The following GINS4 variants were observed in gnomAD, a reference collection of about 807,000 sequenced individuals.
GINS4 encodes the protein GINS complex subunit 4.
In GINS4, 20 loss-of-function variants were observed where a neutral mutation model predicts 31.1. The observed-to-expected ratio is 0.64, with a 90% CI of 0.45 to 0.93. GINS4 has a LOEUF of 0.93. GINS4 is among the 40% of genes least tolerant of loss of function. GINS4 has a pLI of 0.00. For synonymous variants in GINS4, 85 were observed against 97.9 expected (o/e 0.87, Z 0.78); for missense variants, 245 against 273.9 (o/e 0.89, Z 0.75).
intron 4 of GINS4, chr8:41,537,565 G>A (rs1806764323): frequency 2.8e-6 from 1 of 362,544 alleles, no homozygotes; most frequent in Admixed American, 4.3e-5. Context: ...TTACAGCATG[G>A]CAGTGCTAAA....
chr8:41,539,594 T>G, intron 4 of GINS4, 84 bp from the exon 5 acceptor site: 3 of 947,416 alleles, frequency 3.2e-6, no homozygotes. Context: ...TCGGGAGGGT[T>G]GTGTAAACCC....
chr8:41,535,515 C>G (rs1052867655), intron 2 of GINS4, among the ~76,000 whole-genome samples: 4 of 152,136 alleles, frequency 2.6e-5, no homozygotes, highest in Non-Finnish European at 5.9e-5. Context: ...ATGCCTATGA[C>G]TGTAGCCATA....
chr8:41,541,886 A>C lies in GINS4; in HGVS notation c.562A>C (p.Thr188Pro). ...AGAAAACATACTGGTAGAACCAGAC[A>C]CAGATGAGCAGAGGTGAGTGGCGTG... ...RQENILVEPD[T>P]DEQRDYVIDL... is the part of the protein sequence containing the mutation. The change falls in exon 7 of 8, where the codon ACA becomes CCA. Residue 188 changes from threonine (T) to proline (P), a missense_variant. Coordinates refer to ENST00000276533, the MANE Select transcript of GINS4 (RefSeq NM_032336.3). 1.2e-6 allele frequency: 2 copies of C among 1,614,096 alleles called. No homozygotes were observed. The highest frequency in any genetic ancestry group is 1.7e-6 in the Non-Finnish European group (2 of 1,179,920).
At chr8:41,535,003 G>A (rs549237973) in intron 2 of GINS4, among the ~76,000 whole-genome samples, 4 of 151,976 alleles carry the variant, frequency 2.6e-5, no homozygotes, top group East Asian at 1.9e-4. Context: ...GATTACAGGC[G>A]TGAGCCACTG....
rs1806866732 is a variant in GINS4, at chr8:41,542,795, GGCGTGAAGCGGA to G, written c.*711_*722del. 1 of 152,640 alleles carries G rather than the reference GGCGTGAAGCGGA, an allele frequency of 6.6e-6. No homozygotes were observed. The highest frequency in any genetic ancestry group is 2.1e-4 in the South Asian group (1 of 4,842). 9.5% of individuals were successfully genotyped at this position (152,640 alleles called of 1,614,324 possible). A position where few individuals can be genotyped will look rare whatever the true frequency, so the allele number is the denominator to read the frequency against. Reference sequence around the variant, plus strand: ...TTCCTCAGCAGTGCTGTGGGTCACGGGCGTGAAGCGGAGCTCGAGGCAGGATTGCTTGTGTTG... The same window carrying G: ...TTCCTCAGCAGTGCTGTGGGTCACGGGCTCGAGGCAGGATTGCTTGTGTTG... On this transcript the variant is annotated 3_prime_UTR_variant, in exon 8 of 8. Coordinates refer to ENST00000276533, the MANE Select transcript of GINS4 (RefSeq NM_032336.3).
intron 1 of GINS4, 36 bp from the exon 2 acceptor site, chr8:41,530,148 C>A (rs1440237767): frequency 1.6e-6 from 2 of 1,249,768 alleles, no homozygotes; most frequent in East Asian, 2.3e-5. Context: ...AATTAGAAAA[C>A]GCATTGCAGA....
At position 41,539,790 on chromosome 8, in the gene GINS4, C is replaced by G; in HGVS notation, c.395+15C>G. On this transcript the variant is annotated intron_variant, in intron 5 of 7. Transcript: ENST00000276533. The stretch of plus-strand genomic sequence containing the variant: ...TTTGCCAGAGAGTGAGTGAGTGAGC[C>G]GTTGGCGTGGGGCACCTGGCTGGTT... 6.2e-7 allele frequency: 1 copy of G among 1,608,142 alleles called. No individual in the cohort carries two copies. The highest frequency in any genetic ancestry group is 8.5e-7 in the Non-Finnish European group (1 of 1,174,678).
Position 41,539,679 on chromosome 8 carries a change from TAG to T in GINS4, c.303_304del (p.Lys102ValfsTer7). On this transcript the variant is annotated frameshift_variant and splice_region_variant, in exon 5 of 8. Transcript: ENST00000276533. LOFTEE classifies it high-confidence loss of function. ...GAAGATTTTGCTTTATCCTCACAGA[TAG>T]AGAAGTTTTTCCCTCATGTCCTTGA... The T allele has an allele frequency of 1.2e-6, 2 of 1,609,298 alleles. No homozygotes were observed. The highest frequency in any genetic ancestry group is 1.7e-6 in the Non-Finnish European group (2 of 1,175,836).
chr8:41,542,057 G>A lies in GINS4; in HGVS notation c.642G>A (p.Leu214=), dbSNP rs1023934224. 1.2e-6 allele frequency: 2 copies of A among 1,613,950 alleles called. No homozygotes were observed. The highest frequency in any genetic ancestry group is 2.7e-5 in the African/African-American group (2 of 74,918). ...HLIRYKTIAP[L]VASGAVQLI ...TCCGATACAAAACCATTGCACCTCT[G>A]GTTGCATCTGGAGCTGTCCAGCTAA... The change falls in exon 8 of 8, where the codon CTG becomes CTA. Residue 214 remains leucine (L), a synonymous_variant. Coordinates refer to ENST00000276533, the MANE Select transcript of GINS4 (RefSeq NM_032336.3).
chr8:41,540,280 G>C (rs1017006199), intron 6 of GINS4: 3 of 481,404 alleles, frequency 6.2e-6, no homozygotes, highest in African/African-American at 5.9e-5. Flanking sequence ...GCCTTCAGTA[G>C]CCATCTGCTG....
chr8:41,537,426 T>C (rs1340848404), intron 4 of GINS4, 133 bp downstream of exon 4: 8 of 626,632 alleles, frequency 1.3e-5, no homozygotes, highest in Admixed American at 5.5e-5. Context: ...CCAATATCCA[T>C]GTAGCTAAAC....
rs141417166 is a variant in GINS4 at position 41,542,018 on chromosome 8, C to T, written c.603C>T (p.Gly201=). The T allele has an allele frequency of 7.4e-6, 12 of 1,613,974 alleles. No homozygotes were observed. In the Middle Eastern group the frequency reaches 4.9e-4, roughly 66 times the overall value. ...ACTACGTGATTGACCTGGAGAAGGG[C>T]TCACAGCACTTGATCCGATACAAAA... ...QRDYVIDLEK[G]SQHLIRYKTI... is the part of the protein sequence containing the mutation. Residue 201 remains glycine, a synonymous_variant, in exon 8 of 8, where the codon GGC becomes GGT. Transcript: ENST00000276533.
At chr8:41,529,960 G>C in intron 1 of GINS4, 1 of 480,656 alleles carries the variant, frequency 2.1e-6, no homozygotes, top group Non-Finnish European at 3.7e-6. Context: ...TTGGTGGACA[G>C]AAGTAAGGGG....
At chr8:41,534,825 C>T (rs1806714696) in intron 2 of GINS4, among the ~76,000 whole-genome samples, 1 of 151,864 alleles carries the variant, frequency 6.6e-6, no homozygotes, top group South Asian at 2.1e-4. Flanking sequence ...CTCTGCCTCC[C>T]AGGTTCAAGC....
chr8:41,532,563 G>A (rs1234346399), intron 2 of GINS4, among the ~76,000 whole-genome samples: 4 of 152,044 alleles, frequency 2.6e-5, no homozygotes, highest in Admixed American at 1.3e-4. Context: ...GGCCGGGTGC[G>A]GTGGCTCACA....
chr8:41,533,274 A>T (rs1041303686), intron 2 of GINS4, among the ~76,000 whole-genome samples: 4 of 152,238 alleles, frequency 2.6e-5, no homozygotes, highest in African/African-American at 9.6e-5. Flanking sequence ...TTCAAGGCAG[A>T]GCCGCCACCC....
intron 4 of GINS4, among the ~76,000 whole-genome samples, chr8:41,538,606 G>T (rs80066009): frequency 6.6e-5 from 10 of 151,980 alleles, no homozygotes; most frequent in African/African-American, 2.4e-4. Flanking sequence ...TATTAAATTG[G>T]GCCATTTCCC....
At chr8:41,531,063 A>T (rs530791395) in intron 2 of GINS4, among the ~76,000 whole-genome samples, 3 of 152,336 alleles carry the variant, frequency 2.0e-5, no homozygotes, top group South Asian at 4.1e-4. Context: ...CCTGAGGTCC[A>T]GGAGTTCGAG....
chr8:41,540,972 G>A (rs956979735), intron 6 of GINS4, among the ~76,000 whole-genome samples: 2 of 152,160 alleles, frequency 1.3e-5, no homozygotes, highest in Non-Finnish European at 2.9e-5. Flanking sequence ...AAGGGAAGGG[G>A]CAAGCAGACT....
Sources: gnomAD v4.1 joint callset for allele counts (sites outside exome capture counted in the v4.1 genomes callset) on GRCh38, gnomAD v4.1.1 for gene constraint, MANE v1.5 for transcripts, NCBI Gene and HGNC (gene_info 2026-07-23, HGNC 2026-07-21) for gene names.